Variants in EYS observed in about 807,000 individuals in gnomAD.
EYS encodes protein eyes shut homolog.
EYS carries 250 observed loss-of-function variants against 282.1 expected under a neutral mutation model. The observed-to-expected ratio is 0.89, with a 90% CI of 0.80 to 0.98. The LOEUF is 0.98. Among genes scored for constraint, EYS ranks in the 50% least tolerant of loss-of-function variants. The pLI, the probability that EYS is intolerant of heterozygous loss-of-function variation, is 0.00. For synonymous variants in EYS, 1,355 were observed against 1,282.9 expected (o/e 1.06, Z -1.20); for missense variants, 4,016 against 3,709.0 (o/e 1.08, Z -2.15).
At chr6:65,673,921 G>A (rs766549992) in intron 1 of EYS, among the ~76,000 whole-genome samples, 1 of 151,852 alleles carries the variant, frequency 6.6e-6, no homozygotes, top group South Asian at 2.1e-4. Context: ...GCCAGTCCTG[G>A]GCAGGGGCAA....
chr6:65,092,645 C>T (rs533277841), intron 12 of EYS, among the ~76,000 whole-genome samples: 11 of 152,098 alleles, frequency 7.2e-5, no homozygotes, highest in East Asian at 1.9e-4. Context: ...TTTTAGTTGC[C>T]GTGATAGCAT....
At chr6:65,665,894 T>G (rs1768181232) in intron 1 of EYS, among the ~76,000 whole-genome samples, 1 of 151,978 alleles carries the variant, frequency 6.6e-6, no homozygotes, top group Admixed American at 6.6e-5. Flanking sequence ...TATTTCTTCA[T>G]AAATCATATA....
At chr6:64,002,008 G>A (rs926583108) in intron 33 of EYS, among the ~76,000 whole-genome samples, 1 of 152,166 alleles carries the variant, frequency 6.6e-6, no homozygotes, top group Non-Finnish European at 1.5e-5. Flanking sequence ...GACCACTCTG[G>A]CTCACCATGT....
At chr6:65,514,798 A>C (rs1436015832) in intron 2 of EYS, among the ~76,000 whole-genome samples, 1 of 152,348 alleles carries the variant, frequency 6.6e-6, no homozygotes, top group South Asian at 2.1e-4. Context: ...TTCAAGGTGG[A>C]TTAAAGACTT....
intron 2 of EYS, among the ~76,000 whole-genome samples, chr6:65,591,097 G>C (rs780619367): frequency 6.6e-6 from 1 of 151,948 alleles, no homozygotes; most frequent in Non-Finnish European, 1.5e-5. Context: ...CCCACCAACA[G>C]TGTGTGAAGG....
chr6:65,405,707 GA>G (rs1346435032), intron 5 of EYS, among the ~76,000 whole-genome samples: 2 of 151,932 alleles, frequency 1.3e-5, no homozygotes, highest in Admixed American at 6.6e-5. Flanking sequence ...GGTCTTTTGC[GA>G]CTGGCTTCTT....
chr6:65,370,939 T>C (rs1308477757), intron 8 of EYS, among the ~76,000 whole-genome samples: 1 of 151,668 alleles, frequency 6.6e-6, no homozygotes, highest in African/African-American at 2.4e-5. Flanking sequence ...TTCTAGTCAA[T>C]AAAAATAATG....
chr6:65,354,747 G>T (rs1764414614), intron 8 of EYS, among the ~76,000 whole-genome samples: 1 of 151,892 alleles, frequency 6.6e-6, no homozygotes, highest in Non-Finnish European at 1.5e-5. Context: ...AACCAGGGAC[G>T]CAGAGATTGC....
intron 22 of EYS, among the ~76,000 whole-genome samples, chr6:64,688,501 C>G (rs1770244815): frequency 6.6e-6 from 1 of 152,268 alleles, no homozygotes. Flanking sequence ...CATTCAGGAG[C>G]AGGTTGTTCA....
At chr6:64,114,924 C>T (rs1773325380) in intron 31 of EYS, among the ~76,000 whole-genome samples, 1 of 152,138 alleles carries the variant, frequency 6.6e-6, no homozygotes, top group Non-Finnish European at 1.5e-5. Context: ...ACCTAGATCC[C>T]CAGCTCCCCT....
chr6:65,134,444 C>A (rs766238548), intron 12 of EYS, among the ~76,000 whole-genome samples: 9 of 151,938 alleles, frequency 5.9e-5, no homozygotes, highest in Non-Finnish European at 1.2e-4. Flanking sequence ...ATGTCCTTTG[C>A]AGGGACATGG....
rs560504874 is a variant in EYS, at chr6:65,295,774, A to G, written c.2023+89T>C. On this transcript the variant is annotated intron_variant, in intron 12 of 42. Coordinates refer to ENST00000503581, the MANE Select transcript of EYS (RefSeq NM_001142800.2). ...GACAACAATACCAATCAATAGACAC[A>G]TTTGAGATATATTTGAGATATATCA... 14 of 1,112,342 alleles carry G rather than the reference A, an allele frequency of 1.3e-5. No individual in the cohort carries two copies. The East Asian group carries it at 3.4e-4, about 27-fold the overall frequency. 68.9% of individuals were successfully genotyped at this position (1,112,342 alleles called of 1,614,324 possible). A position where few individuals can be genotyped will look rare whatever the true frequency, so the allele number is the denominator to read the frequency against.
In EYS at chr6:65,515,370, G is replaced by T. The variant is rs539633292; in HGVS notation, c.-332-19377C>A. On this transcript the variant is annotated intron_variant, in intron 2 of 42. Coordinates refer to ENST00000503581, the MANE Select transcript of EYS (RefSeq NM_001142800.2). ...ACTGTAAACTAGTTCAACCATTGTG[G>T]AAGTTGGTGTGGTGATACCTCAGGG... 2.0e-4 allele frequency among the ~76,000 whole-genome samples: 31 copies of T among 152,266 alleles called. No homozygotes were observed. In the South Asian group the frequency reaches 6.4e-3, roughly 32 times the overall value.
chr6:64,626,590 C>T (rs981604841), intron 22 of EYS, among the ~76,000 whole-genome samples: 19 of 151,974 alleles, frequency 1.3e-4, no homozygotes, highest in African/African-American at 1.2e-4. Context: ...GAGAAGGCCA[C>T]GTGAACATGC....
Position 63,894,862 on chromosome 6 carries a change from C to T in EYS, c.7056-30504G>A, listed in dbSNP as rs1773497288. 2.6e-5 allele frequency among the ~76,000 whole-genome samples: 4 copies of T among 152,136 alleles called. No individual in the cohort carries two copies. The South Asian group carries it at 8.3e-4, about 31-fold the overall frequency. On this transcript the variant is annotated intron_variant, in intron 35 of 42. Coordinates refer to ENST00000503581, the MANE Select transcript of EYS (RefSeq NM_001142800.2). ...TCGGCCTCCCAAAGTGCTAGGATTA[C>T]AGGCCTTAGCCACTGCGCCCGGCCA...
intron 35 of EYS, among the ~76,000 whole-genome samples, chr6:63,970,034 G>C (rs1006081746): frequency 6.6e-6 from 1 of 152,104 alleles, no homozygotes; most frequent in Admixed American, 6.6e-5. Context: ...CCCCCGCTAC[G>C]AGTGGAGATG....
intron 30 of EYS, among the ~76,000 whole-genome samples, chr6:64,240,604 G>T (rs182394036): frequency 1.2e-3 from 188 of 152,268 alleles, no homozygotes; most frequent in Admixed American, 3.9e-3. Context: ...CATTGATTTT[G>T]TATTGAGACT....
intron 22 of EYS, among the ~76,000 whole-genome samples, chr6:64,790,889 T>A (rs1307825667): frequency 6.6e-6 from 1 of 151,896 alleles, no homozygotes; most frequent in Non-Finnish European, 1.5e-5. Flanking sequence ...AAAAGAAGAA[T>A]GAAAATGCAG....
intron 26 of EYS, among the ~76,000 whole-genome samples, chr6:64,465,260 T>A (rs1775881076): frequency 6.6e-6 from 1 of 151,800 alleles, no homozygotes; most frequent in Non-Finnish European, 1.5e-5. Flanking sequence ...GAAAAAAAAA[T>A]TAAAAATTTT....
Sources: allele counts gnomAD v4.1 joint callset (sites outside exome capture counted in the v4.1 genomes callset), GRCh38; gene constraint gnomAD v4.1.1; transcripts MANE v1.5; gene names NCBI Gene and HGNC (gene_info 2026-07-23, HGNC 2026-07-21).